The following SHROOM3 variants were observed in gnomAD, a reference collection of about 807,000 sequenced individuals.
SHROOM3 encodes the protein protein Shroom3.
Under a neutral mutation model 138.6 loss-of-function variants are expected in SHROOM3, and 47 were observed. That is an observed-to-expected ratio of 0.34 (90% CI 0.27 to 0.43). The LOEUF is 0.43. SHROOM3 is among the 20% of genes least tolerant of loss of function. The probability of loss-of-function intolerance (pLI) is 1.00; values close to 1 mark genes in which losing one functional copy is unlikely to be tolerated. For synonymous variants in SHROOM3, 1,062 were observed against 1,063.3 expected, an observed-to-expected ratio of 1.00 and a Z score of 0.02; for missense variants, 2,491 against 2,596.5, an observed-to-expected ratio of 0.96 and a Z score of 0.88.
At chr4:76,751,817 T>G (rs1252547647) in intron 6 of SHROOM3, among the ~76,000 whole-genome samples, 1 of 151,972 alleles carries the variant, frequency 6.6e-6, no homozygotes, top group African/African-American at 2.4e-5. Context: ...ACAACCAGTG[T>G]TGGTGAGGAT....
chr4:76,607,007 G>A (rs942451876), intron 2 of SHROOM3, among the ~76,000 whole-genome samples: 1 of 152,086 alleles, frequency 6.6e-6, no homozygotes, highest in Non-Finnish European at 1.5e-5. Flanking sequence ...GTGTGTGTGT[G>A]TGTGTCATAT....
At chr4:76,673,781 TCTC>T (rs1346728621) in intron 2 of SHROOM3, among the ~76,000 whole-genome samples, 2 of 152,230 alleles carry the variant, frequency 1.3e-5, no homozygotes, top group African/African-American at 4.8e-5. Flanking sequence ...GTACAACAGA[TCTC>T]CTGAACTTTT....
chr4:76,484,389 T>C (rs895059763), intron 1 of SHROOM3, among the ~76,000 whole-genome samples: 7 of 151,482 alleles, frequency 4.6e-5, no homozygotes, highest in Admixed American at 4.6e-4. Context: ...CTGGGCAACA[T>C]AGTGAGACCT....
At chr4:76,490,416 AT>A (rs374072270) in intron 1 of SHROOM3, among the ~76,000 whole-genome samples, 3 of 150,622 alleles carry the variant, frequency 2.0e-5, no homozygotes, top group South Asian at 2.1e-4. Context: ...GTCTTTTTGT[AT>A]TTTTTTTTCT....
intron 1 of SHROOM3, among the ~76,000 whole-genome samples, chr4:76,552,498 G>C (rs971841363): frequency 1.3e-5 from 2 of 150,782 alleles, no homozygotes; most frequent in African/African-American, 4.9e-5. Flanking sequence ...CAGAGCAAGA[G>C]TCTGTCTCCC....
chr4:76,709,510 C>CT (rs1044260411), intron 2 of SHROOM3, among the ~76,000 whole-genome samples: 2 of 151,800 alleles, frequency 1.3e-5, no homozygotes, highest in Non-Finnish European at 2.9e-5. Flanking sequence ...AAATTTTTCT[C>CT]TGACTCCCTG....
chr4:76,655,916 G>A (rs918697731), intron 2 of SHROOM3, among the ~76,000 whole-genome samples: 6 of 152,168 alleles, frequency 3.9e-5, no homozygotes, highest in African/African-American at 1.4e-4. Flanking sequence ...TTACATAGCT[G>A]CTTACATCTG....
rs1279624865 is a variant in SHROOM3 at position 76,716,271 on chromosome 4, G to A, written c.455+5984G>A. Reference sequence around the variant, plus strand: ...TCAGGCCGTCCAACTGGAGGCACATGTAGTACTTGTGAGGCTTTTACCATG... The same window carrying A: ...TCAGGCCGTCCAACTGGAGGCACATATAGTACTTGTGAGGCTTTTACCATG... On this transcript the variant is annotated intron_variant, in intron 3 of 10. Coordinates refer to ENST00000296043, the MANE Select transcript of SHROOM3 (RefSeq NM_020859.4). The A allele has an allele frequency of 2.5e-5, 13 of 516,986 alleles. No individual in the cohort carries two copies. In the East Asian group the frequency reaches 5.5e-4, roughly 22 times the overall value. The allele number at this position is 516,986 out of a possible 1,614,324, so 32.0% of individuals were successfully genotyped here.
intron 4 of SHROOM3, among the ~76,000 whole-genome samples, chr4:76,735,871 ATATATATATATAT>A (rs1721054354): frequency 1.6e-4 from 3 of 18,846 alleles, no homozygotes; most frequent in South Asian, 1.9e-3. Context: ...AAAAAAAAAT[ATATATATATATAT>A]ATATATATAT....
rs143853592 is a variant in SHROOM3, at chr4:76,461,717, G to A, written c.168+25497G>A. 1.5e-3 allele frequency among the ~76,000 whole-genome samples: 220 copies of A among 150,434 alleles called. 5 individuals carry two copies. In the East Asian group the frequency reaches 0.038, roughly 26 times the overall value. On this transcript the variant is annotated intron_variant, in intron 1 of 10. Transcript: ENST00000296043. Reference sequence around the variant, plus strand: ...GCAAAAGGCTTATGGTAATTCTTGAGAATTTTTTGAAGGGGAAAAAAATGT... The same window carrying A: ...GCAAAAGGCTTATGGTAATTCTTGAAAATTTTTTGAAGGGGAAAAAAATGT...
chr4:76,497,301 A>C (rs1352172734), intron 1 of SHROOM3, among the ~76,000 whole-genome samples: 1 of 152,224 alleles, frequency 6.6e-6, no homozygotes, highest in African/African-American at 2.4e-5. Context: ...TCCTAGAGAA[A>C]CTATTTTTCC....
rs1175339948 is a variant in SHROOM3, at chr4:76,557,037, A to G, written c.323+1274A>G. ...CGGATTCAGACAGACCCGGGTTCAAATTCCAGGGCTGTCACCTGTTAGCTG... is the reference window on the plus strand; with the variant it reads ...CGGATTCAGACAGACCCGGGTTCAAGTTCCAGGGCTGTCACCTGTTAGCTG... On this transcript the variant is annotated intron_variant, in intron 2 of 10. Coordinates refer to ENST00000296043, the MANE Select transcript of SHROOM3 (RefSeq NM_020859.4). Among the ~76,000 whole-genome samples the G allele has an allele frequency of 2.0e-5, 3 of 152,140 alleles. No individual in the cohort carries two copies. The East Asian group carries it at 5.8e-4, about 29-fold the overall frequency.
chr4:76,710,029 T>C, intron 2 of SHROOM3, 127 bp from the exon 3 acceptor site: 1 of 1,251,502 alleles, frequency 8.0e-7, no homozygotes, highest in South Asian at 1.2e-5. Context: ...AACCCTGCAC[T>C]TAGCTGTGCT....
chr4:76,599,430 G>A (rs1734459288), intron 2 of SHROOM3, among the ~76,000 whole-genome samples: 2 of 152,198 alleles, frequency 1.3e-5, no homozygotes, highest in South Asian at 4.1e-4. Context: ...ATAGGTCAGA[G>A]AGTAATGCCC....
intron 2 of SHROOM3, among the ~76,000 whole-genome samples, chr4:76,660,805 G>A (rs1736168014): frequency 6.6e-6 from 1 of 151,760 alleles, no homozygotes; most frequent in Non-Finnish European, 1.5e-5. Flanking sequence ...ATTTGTGGGT[G>A]GTTATTTTGT....
intron 5 of SHROOM3, 78 bp downstream of exon 5, chr4:76,742,004 A>C (rs1721275083): frequency 5.2e-6 from 8 of 1,536,016 alleles, no homozygotes; most frequent in Non-Finnish European, 5.3e-6. Flanking sequence ...CCAACCCCCC[A>C]CACTCTCACC....
At position 76,584,871 on chromosome 4, in the gene SHROOM3, GAACGAATGCA is replaced by G. The variant is rs555069047; in HGVS notation, c.323+29109_323+29118del. ...CCTAAGAAAAAAGGAGGCTACTTTT[GAACGAATGCA>G]TCTATGATGCCAGATCTAGTGGGAG... On this transcript the variant is annotated intron_variant, in intron 2 of 10. Transcript: ENST00000296043. Among the ~76,000 whole-genome samples, 169 of 152,190 alleles carry G rather than the reference GAACGAATGCA, an allele frequency of 1.1e-3. 1 individual carries two copies. The highest frequency in any genetic ancestry group is 3.9e-3 in the African/African-American group (162 of 41,526).
intron 1 of SHROOM3, among the ~76,000 whole-genome samples, chr4:76,525,371 C>T (rs1172629540): frequency 6.6e-6 from 1 of 152,094 alleles, no homozygotes; most frequent in Non-Finnish European, 1.5e-5. Flanking sequence ...GAAACCACCC[C>T]CATGATCTAA....
chr4:76,618,725 G>A (rs1240758449), intron 2 of SHROOM3, among the ~76,000 whole-genome samples: 2 of 152,098 alleles, frequency 1.3e-5, no homozygotes, highest in African/African-American at 2.4e-5. Flanking sequence ...CAGTATAATT[G>A]TCAACTCTAG....
Sources: gnomAD v4.1 joint callset for allele counts (sites outside exome capture counted in the v4.1 genomes callset) on GRCh38, gnomAD v4.1.1 for gene constraint, MANE v1.5 for transcripts, NCBI Gene and HGNC (gene_info 2026-07-23, HGNC 2026-07-21) for gene names.